Variants in GABRG3 observed in about 807,000 individuals in gnomAD.
The protein encoded by GABRG3 is gamma-aminobutyric acid type A receptor subunit gamma3, also known as gamma-aminobutyric acid receptor subunit gamma-3.
A neutral mutation model predicts 48.8 loss-of-function variants in GABRG3; 25 were observed. That is an observed-to-expected ratio of 0.51 (90% CI 0.37 to 0.72). The LOEUF (loss-of-function observed/expected upper bound fraction) is 0.72. GABRG3 is among the 30% of genes least tolerant of loss of function. GABRG3 has a pLI of 0.00. For synonymous variants in GABRG3, 227 were observed against 217.6 expected (o/e 1.04, Z -0.38); for missense variants, 394 against 577.9 (o/e 0.68, Z 3.26).
intron 5 of GABRG3, among the ~76,000 whole-genome samples, chr15:27,431,214 C>G (rs1888442810): frequency 6.6e-6 from 1 of 151,910 alleles, no homozygotes; most frequent in Non-Finnish European, 1.5e-5. Flanking sequence ...TTTGGCTAAT[C>G]TGGGTCCTTT....
chr15:27,394,825 TGTC>T (rs1221773267), intron 5 of GABRG3, among the ~76,000 whole-genome samples: 2 of 152,208 alleles, frequency 1.3e-5, no homozygotes, highest in Non-Finnish European at 2.9e-5. Context: ...CTTTTGATCT[TGTC>T]GTTAAGCCCT....
At chr15:27,176,732 T>C (rs1348998134) in intron 3 of GABRG3, among the ~76,000 whole-genome samples, 4 of 152,080 alleles carry the variant, frequency 2.6e-5, no homozygotes, top group Non-Finnish European at 4.4e-5. Context: ...GACAGTAGCA[T>C]TGATAGAGGC....
At chr15:27,518,195 CAAA>C (rs58222645) in intron 6 of GABRG3, among the ~76,000 whole-genome samples, 10 of 88,016 alleles carry the variant, frequency 1.1e-4, no homozygotes, top group Middle Eastern at 6.5e-3. Context: ...ACTAAAAATA[CAAA>C]AAAAAAAAAA....
intron 3 of GABRG3, among the ~76,000 whole-genome samples, chr15:27,252,706 C>G (rs1243877733): frequency 2.0e-5 from 3 of 152,248 alleles, no homozygotes; most frequent in Non-Finnish European, 2.9e-5. Context: ...ACCTGCAGGT[C>G]TGACCCCAGG....
intron 5 of GABRG3, among the ~76,000 whole-genome samples, chr15:27,434,364 A>G (rs528399049): frequency 7.5e-4 from 115 of 152,350 alleles, no homozygotes; most frequent in Non-Finnish European, 1.4e-3. Context: ...AGCACAGAGC[A>G]AAAGAAACGT....
At chr15:27,359,352 A>G (rs1894948024) in intron 5 of GABRG3, among the ~76,000 whole-genome samples, 1 of 152,170 alleles carries the variant, frequency 6.6e-6, no homozygotes, top group African/African-American at 2.4e-5. Context: ...TTTATTGCTT[A>G]TTGTTCTATG....
At chr15:27,328,284 A>G (rs1893688480) in intron 4 of GABRG3, among the ~76,000 whole-genome samples, 1 of 152,212 alleles carries the variant, frequency 6.6e-6, no homozygotes, top group Non-Finnish European at 1.5e-5. Flanking sequence ...AGACCTGGCC[A>G]GTTCTGGAAC....
chr15:27,069,815 G>A (rs1029935286), intron 3 of GABRG3, among the ~76,000 whole-genome samples: 4 of 152,210 alleles, frequency 2.6e-5, no homozygotes, highest in African/African-American at 4.8e-5. Flanking sequence ...TGAAACACAT[G>A]CAAAAATCAG....
chr15:27,077,199 G>T (rs1038465001), intron 3 of GABRG3, among the ~76,000 whole-genome samples: 1 of 152,186 alleles, frequency 6.6e-6, no homozygotes. Context: ...TTTCTAGGGA[G>T]CACCCTGCAT....
chr15:27,215,386 T>G (rs1889214661), intron 3 of GABRG3, among the ~76,000 whole-genome samples: 1 of 152,192 alleles, frequency 6.6e-6, no homozygotes, highest in Admixed American at 6.5e-5. Context: ...TCAGTGCATT[T>G]CCTAAGGGCC....
At chr15:27,343,560 T>G (rs1894263373) in intron 5 of GABRG3, among the ~76,000 whole-genome samples, 1 of 152,220 alleles carries the variant, frequency 6.6e-6, no homozygotes, top group Admixed American at 6.5e-5. Context: ...AGTAGGTGCT[T>G]AATAGGTATT....
At chr15:27,001,737 G>C (rs1895450945) in intron 2 of GABRG3, among the ~76,000 whole-genome samples, 1 of 152,178 alleles carries the variant, frequency 6.6e-6, no homozygotes, top group Non-Finnish European at 1.5e-5. Flanking sequence ...GTTGTGGAAA[G>C]AATGGAAATA....
chr15:27,150,226 A>G (rs1898285452), intron 3 of GABRG3, among the ~76,000 whole-genome samples: 1 of 152,180 alleles, frequency 6.6e-6, no homozygotes, highest in Non-Finnish European at 1.5e-5. Flanking sequence ...TTTTAAATAC[A>G]GAGGAAAAAA....
Position 27,151,905 on chromosome 15 carries a change from T to G in GABRG3, c.270+125084T>G, listed in dbSNP as rs143191895. ...CACTTTATCTATTCTAGGTACCTAG[T>G]CCTTTGTTGGATATGTGGTTTGCAA... On this transcript the variant is annotated intron_variant, in intron 3 of 9. Transcript: ENST00000615808. Among the ~76,000 whole-genome samples the G allele has an allele frequency of 7.5e-3, 1,142 of 152,246 alleles. 10 individuals are homozygous for G. The highest frequency in any genetic ancestry group is 0.024 in the African/African-American group (982 of 41,542).
chr15:27,345,818 C>G (rs1402730826), intron 5 of GABRG3, among the ~76,000 whole-genome samples: 1 of 151,928 alleles, frequency 6.6e-6, no homozygotes, highest in African/African-American at 2.4e-5. Context: ...CTTTGGGAGG[C>G]CGAGGCAGGG....
chr15:26,981,957 G>A (rs1044382889), intron 2 of GABRG3, among the ~76,000 whole-genome samples: 3 of 152,176 alleles, frequency 2.0e-5, no homozygotes, highest in African/African-American at 7.2e-5. Context: ...CTAGTGCAGC[G>A]TTGGAGAAAT....
At chr15:27,015,524 A>G (rs1015624571) in intron 2 of GABRG3, among the ~76,000 whole-genome samples, 4 of 151,452 alleles carry the variant, frequency 2.6e-5, no homozygotes, top group African/African-American at 9.7e-5. Flanking sequence ...AGCTGGGACT[A>G]CAGGTGCCCA....
intron 3 of GABRG3, chr15:27,158,134 G>A (rs1189169401): frequency 2.6e-5 from 4 of 152,032 alleles, no homozygotes; most frequent in Non-Finnish European, 5.9e-5. Context: ...CTTCAGGGAT[G>A]CAGGTGGAAG....
chr15:27,071,061 T>C (rs891204682), intron 3 of GABRG3, among the ~76,000 whole-genome samples: 1 of 152,172 alleles, frequency 6.6e-6, no homozygotes, highest in Non-Finnish European at 1.5e-5. Flanking sequence ...AATCAGTGTC[T>C]GTGTTGTTTT....
Sources: allele counts gnomAD v4.1 joint callset (sites outside exome capture counted in the v4.1 genomes callset), GRCh38; gene constraint gnomAD v4.1.1; transcripts MANE v1.5; gene names NCBI Gene and HGNC (gene_info 2026-07-23, HGNC 2026-07-21).